RGS7: variants seen among roughly 807,000 people sequenced by gnomAD.
The protein encoded by RGS7 is regulator of G protein signaling 7.
RGS7 carries 27 observed loss-of-function variants against 81.1 expected under a neutral mutation model. The observed-to-expected ratio is 0.33, with a 90% CI of 0.25 to 0.46. RGS7 has a LOEUF of 0.46. Among genes scored for constraint, RGS7 ranks in the 20% least tolerant of loss-of-function variants. The pLI is 1.00. For missense variants in RGS7, 396 were observed against 607.4 expected (o/e 0.65, Z 3.66); for synonymous variants, 208 against 207.7 (o/e 1.00, Z -0.01).
At chr1:240,978,810 TAAC>T (rs888791851) in intron 4 of RGS7, among the ~76,000 whole-genome samples, 1 of 152,210 alleles carries the variant, frequency 6.6e-6, no homozygotes, top group African/African-American at 2.4e-5. Context: ...GATGTGGTAA[TAAC>T]TGCTTTACAC....
intron 2 of RGS7, among the ~76,000 whole-genome samples, chr1:241,165,787 A>T (rs181239504): frequency 1.9e-4 from 29 of 150,194 alleles, no homozygotes; most frequent in African/African-American, 2.7e-4. Flanking sequence ...TAATAATAAT[A>T]AAAAAAAAAA....
chr1:241,023,535 G>A (rs1352780201), intron 3 of RGS7, among the ~76,000 whole-genome samples: 1 of 152,144 alleles, frequency 6.6e-6, no homozygotes, highest in Non-Finnish European at 1.5e-5. Context: ...CTTTGTTTTG[G>A]GATCACGCCA....
At chr1:241,239,862 A>C (rs1317602) in intron 2 of RGS7, among the ~76,000 whole-genome samples, 104,043 of 152,124 alleles carry the variant, frequency 0.68, 35,694 homozygotes, top group African/African-American at 0.74. Context: ...AGAGAACTAG[A>C]GGGCCATCGA....
At chr1:241,240,025 T>C (rs1189374962) in intron 2 of RGS7, among the ~76,000 whole-genome samples, 2 of 152,126 alleles carry the variant, frequency 1.3e-5, no homozygotes. Context: ...ATAGACATTA[T>C]AGAAACAGAG....
intron 18 of RGS7, among the ~76,000 whole-genome samples, chr1:240,793,611 A>ATATATATTTTTTTTTTTTTTTT: frequency 5.1e-5 from 4 of 78,872 alleles, no homozygotes; most frequent in African/African-American, 3.9e-4. Flanking sequence ...ATATATATAT[A>ATATATATTTTTTTTTTTTTTTT]TTTTTTTTTT....
At chr1:241,079,675 G>C (rs2063025942) in intron 3 of RGS7, among the ~76,000 whole-genome samples, 1 of 152,044 alleles carries the variant, frequency 6.6e-6, no homozygotes, top group South Asian at 2.1e-4. Flanking sequence ...GAATAAAAAG[G>C]CACTGCAAAA....
chr1:241,226,706 G>C (rs2075328836), intron 2 of RGS7, among the ~76,000 whole-genome samples: 1 of 152,176 alleles, frequency 6.6e-6, no homozygotes, highest in Non-Finnish European at 1.5e-5. Context: ...CCATGAGCAG[G>C]TGACACCGAG....
At chr1:241,208,954 C>T (rs777171064) in intron 2 of RGS7, among the ~76,000 whole-genome samples, 1 of 152,200 alleles carries the variant, frequency 6.6e-6, no homozygotes, top group African/African-American at 2.4e-5. Context: ...AACCTATCAG[C>T]GCTCAGGCAG....
At chr1:240,838,806 G>A (rs1218034165) in intron 9 of RGS7, among the ~76,000 whole-genome samples, 2 of 149,990 alleles carry the variant, frequency 1.3e-5, no homozygotes, top group Non-Finnish European at 3.0e-5. Context: ...TTGCTCTGTC[G>A]CCCAGGCTGG....
intron 2 of RGS7, among the ~76,000 whole-genome samples, chr1:241,284,940 A>G (rs1358334202): frequency 6.6e-6 from 1 of 151,852 alleles, no homozygotes; most frequent in Non-Finnish European, 1.5e-5. Flanking sequence ...GCACGATCTC[A>G]GCTCAGTGCA....
intron 2 of RGS7, among the ~76,000 whole-genome samples, chr1:241,141,520 A>G (rs6667032): frequency 0.039 from 6,011 of 152,254 alleles, 367 homozygotes; most frequent in African/African-American, 0.14. Flanking sequence ...ACTTACAGTC[A>G]TGGTGGAAGA....
At chr1:240,795,221 A>ACCACCACCACCAC (rs369295721) in intron 18 of RGS7, among the ~76,000 whole-genome samples, 1 of 150,940 alleles carries the variant, frequency 6.6e-6, no homozygotes, top group African/African-American at 2.4e-5. Flanking sequence ...ACCACCACCA[A>ACCACCACCACCAC]CAAAAATCAA....
At chr1:240,976,783 A>G (rs1175536887) in intron 4 of RGS7, among the ~76,000 whole-genome samples, 2 of 128,510 alleles carry the variant, frequency 1.6e-5, no homozygotes, top group African/African-American at 5.1e-5. Context: ...TCGATCTATC[A>G]TCTATTATCC....
rs901820112 is a variant in RGS7, at chr1:241,355,658, C to A, written c.78+41G>T. The A allele has an allele frequency of 6.4e-6, 10 of 1,573,198 alleles. No homozygotes were observed. In the South Asian group the frequency reaches 6.6e-5, roughly 10 times the overall value. ...AGAGGGGGAAAAAAATCGAGAAAGC[C>A]GGAAGTTTCCCGTTTTCCAAGAAAC... On this transcript the variant is annotated intron_variant, in intron 2 of 18. Transcript: ENST00000440928.
At chr1:241,078,209 A>G (rs1468305896) in intron 3 of RGS7, among the ~76,000 whole-genome samples, 5 of 148,806 alleles carry the variant, frequency 3.4e-5, no homozygotes, top group Non-Finnish European at 7.4e-5. Context: ...ATGGAGAGAG[A>G]TCAGAGGAGC....
intron 3 of RGS7, chr1:240,998,344 G>A (rs1687607280): frequency 8.3e-6 from 4 of 481,292 alleles, no homozygotes; most frequent in Non-Finnish European, 1.5e-5. Context: ...TCAACTGAAG[G>A]TTTATATCTT....
At chr1:240,851,273 A>G (rs1210629314) in intron 9 of RGS7, among the ~76,000 whole-genome samples, 1 of 152,186 alleles carries the variant, frequency 6.6e-6, no homozygotes, top group Non-Finnish European at 1.5e-5. Flanking sequence ...AATTATGCTA[A>G]ATCTACTGTG....
chr1:241,010,923 T>C (rs1245696983), intron 3 of RGS7, among the ~76,000 whole-genome samples: 1 of 152,194 alleles, frequency 6.6e-6, no homozygotes, highest in Non-Finnish European at 1.5e-5. Flanking sequence ...TCTGTCAATA[T>C]GGCCCCGTGC....
At chr1:241,076,826 C>T (rs1381328495) in intron 3 of RGS7, among the ~76,000 whole-genome samples, 1 of 152,128 alleles carries the variant, frequency 6.6e-6, no homozygotes, top group Non-Finnish European at 1.5e-5. Flanking sequence ...AAATTTTAGT[C>T]GGTGAGAAAC....
Sources: allele counts gnomAD v4.1 joint callset (sites outside exome capture counted in the v4.1 genomes callset), GRCh38; gene constraint gnomAD v4.1.1; transcripts MANE v1.5; gene names NCBI Gene and HGNC (gene_info 2026-07-23, HGNC 2026-07-21).